Variants in FOXP2 observed in about 807,000 individuals in gnomAD.
FOXP2 encodes forkhead box P2.
FOXP2 carries 12 observed loss-of-function variants against 115.8 expected under a neutral mutation model. That is an observed-to-expected ratio of 0.10 (90% CI 0.07 to 0.17). The LOEUF is 0.17. Ranked by LOEUF, FOXP2 falls within the 10% of genes least tolerant of loss-of-function variation. FOXP2 has a pLI of 1.00. For synonymous variants in FOXP2, 328 were observed against 297.7 expected (o/e 1.10, Z -1.05); for missense variants, 629 against 843.5 (o/e 0.75, Z 3.15).
At chr7:114,137,703 TC>T in intron 1 of FOXP2, among the ~76,000 whole-genome samples, 1 of 152,166 alleles carries the variant, frequency 6.6e-6, no homozygotes, top group Non-Finnish European at 1.5e-5. Context: ...CAAAAGTTTA[TC>T]TTAGAGTTTA....
chr7:114,600,561 C>G (rs756550683), intron 3 of FOXP2, among the ~76,000 whole-genome samples: 11 of 152,142 alleles, frequency 7.2e-5, no homozygotes, highest in Non-Finnish European at 1.3e-4. Context: ...TATGGTAAGA[C>G]TATGTTTAGC....
At chr7:114,635,167 C>T (rs1805149131) in intron 6 of FOXP2, among the ~76,000 whole-genome samples, 1 of 152,086 alleles carries the variant, frequency 6.6e-6, no homozygotes. Context: ...TAGAATTGTG[C>T]CGAAGATAGT....
At chr7:114,496,643 A>G (rs1342427261) in intron 2 of FOXP2, among the ~76,000 whole-genome samples, 1 of 152,190 alleles carries the variant, frequency 6.6e-6, no homozygotes, top group Non-Finnish European at 1.5e-5. Flanking sequence ...ATGTAAGTAT[A>G]CAATCATACA....
At chr7:114,184,118 C>A (rs755837758) in intron 1 of FOXP2, among the ~76,000 whole-genome samples, 1 of 152,118 alleles carries the variant, frequency 6.6e-6, no homozygotes, top group African/African-American at 2.4e-5. Context: ...CTGTACCCAC[C>A]ATTCAGATTT....
chr7:114,618,493 A>T (rs991728348), intron 3 of FOXP2, among the ~76,000 whole-genome samples: 60 of 152,186 alleles, frequency 3.9e-4, no homozygotes, highest in African/African-American at 1.4e-3. Context: ...AACTGAACTT[A>T]GGCTACCTTT....
chr7:114,626,866 A>G (rs991815915), intron 3 of FOXP2, among the ~76,000 whole-genome samples: 3 of 151,854 alleles, frequency 2.0e-5, no homozygotes, highest in Non-Finnish European at 4.4e-5. Flanking sequence ...AATTAATTTT[A>G]CAATATACAT....
intron 2 of FOXP2, among the ~76,000 whole-genome samples, chr7:114,487,629 G>C (rs561578352): frequency 1.2e-4 from 19 of 152,076 alleles, no homozygotes; most frequent in Admixed American, 5.2e-4. Context: ...TTGTTGCTTA[G>C]AAAATTCTTC....
chr7:114,355,081 T>G lies in FOXP2; in HGVS notation c.-11+66972T>G, dbSNP rs563413759. 3.3e-5 allele frequency among the ~76,000 whole-genome samples: 5 copies of G among 152,246 alleles called. No individual in the cohort carries two copies. In the East Asian group the frequency reaches 9.6e-4, roughly 29 times the overall value. On this transcript the variant is annotated intron_variant, in intron 2 of 17. Coordinates refer to the FOXP2 transcript ENST00000634411. ...GTTCTGTGGTGATAGAGTATTACAA[T>G]AGGTAAAACAAAAACAAACATATCT...
intron 2 of FOXP2, among the ~76,000 whole-genome samples, chr7:114,515,932 A>G (rs957113405): frequency 1.1e-4 from 16 of 152,212 alleles, no homozygotes; most frequent in African/African-American, 3.4e-4. Context: ...ATGGAAGAAC[A>G]TTCCATGCTC....
At chr7:114,473,911 T>A (rs1186078469) in intron 2 of FOXP2, among the ~76,000 whole-genome samples, 3 of 152,200 alleles carry the variant, frequency 2.0e-5, no homozygotes, top group Non-Finnish European at 4.4e-5. Context: ...TCACTGAATG[T>A]CTGTAACAAC....
chr7:114,247,030 C>G (rs1198408437), intron 1 of FOXP2, among the ~76,000 whole-genome samples: 1 of 152,114 alleles, frequency 6.6e-6, no homozygotes, highest in African/African-American at 2.4e-5. Flanking sequence ...AGTTGGGAAT[C>G]TTTGCATTTT....
intron 2 of FOXP2, among the ~76,000 whole-genome samples, chr7:114,326,080 C>G (rs1435860587): frequency 6.6e-6 from 1 of 152,028 alleles, no homozygotes; most frequent in African/African-American, 2.4e-5. Flanking sequence ...TTGCATTTGT[C>G]GTTAGAATTA....
intron 1 of FOXP2, among the ~76,000 whole-genome samples, chr7:114,253,927 G>A (rs1469355979): frequency 3.9e-5 from 6 of 152,162 alleles, no homozygotes; most frequent in African/African-American, 1.2e-4. Context: ...GCAGTGGCTG[G>A]TACCAGTTTT....
intron 2 of FOXP2, among the ~76,000 whole-genome samples, chr7:114,401,754 A>T (rs1266279423): frequency 1.3e-5 from 2 of 152,238 alleles, no homozygotes; most frequent in African/African-American, 4.8e-5. Flanking sequence ...AAGTGAATCA[A>T]ATGCTATGTA....
intron 3 of FOXP2, among the ~76,000 whole-genome samples, chr7:114,550,497 T>C (rs190581178): frequency 2.4e-4 from 36 of 152,268 alleles, no homozygotes; most frequent in African/African-American, 8.2e-4. Flanking sequence ...TTTCTTTCAT[T>C]GCACAAGTCA....
At chr7:114,661,972 T>G in intron 13 of FOXP2, 93 bp from the exon 14 acceptor site, 3 of 1,488,644 alleles carry the variant, frequency 2.0e-6, no homozygotes, top group Non-Finnish European at 2.8e-6. Context: ...GATTTTTCAC[T>G]CTGATTAAGT....
chr7:114,606,558 T>A (rs879835730), intron 3 of FOXP2, among the ~76,000 whole-genome samples: 15 of 152,220 alleles, frequency 9.9e-5, no homozygotes, highest in Non-Finnish European at 1.6e-4. Context: ...ACTAGTTTTT[T>A]AAGCCACTTG....
At chr7:114,259,098 A>T (rs1436178322) in intron 1 of FOXP2, among the ~76,000 whole-genome samples, 1 of 152,206 alleles carries the variant, frequency 6.6e-6, no homozygotes, top group East Asian at 1.9e-4. Context: ...TATATTCTAA[A>T]GTAATATCTG....
At chr7:114,341,348 G>T (rs1791208457) in intron 2 of FOXP2, among the ~76,000 whole-genome samples, 1 of 151,164 alleles carries the variant, frequency 6.6e-6, no homozygotes, top group South Asian at 2.1e-4. Context: ...TTATCATGTA[G>T]TGTCTGACAT....
Sources: allele counts gnomAD v4.1 joint callset (sites outside exome capture counted in the v4.1 genomes callset), GRCh38; gene constraint gnomAD v4.1.1; transcripts MANE v1.5; gene names NCBI Gene and HGNC (gene_info 2026-07-23, HGNC 2026-07-21).